The following CNTN3 variants were observed in gnomAD, a reference collection of about 807,000 sequenced individuals.
CNTN3 encodes the protein contactin-3.
In CNTN3, 60 loss-of-function variants were observed where a neutral mutation model predicts 119.1. That is an observed-to-expected ratio of 0.50 (90% CI 0.41 to 0.62). The LOEUF (loss-of-function observed/expected upper bound fraction) is 0.62, where lower values mean the gene tolerates loss of function less well. Among genes scored for constraint, CNTN3 ranks in the 20% least tolerant of loss-of-function variants. CNTN3 has a pLI of 0.00. For synonymous variants in CNTN3, 450 were observed against 438.7 expected, an observed-to-expected ratio of 1.03 and a Z score of -0.32; for missense variants, 1,101 against 1,242.4, an observed-to-expected ratio of 0.89 and a Z score of 1.71.
chr3:74,570,090 C>A (rs2323571), intron 1 of CNTN3, among the ~76,000 whole-genome samples: 1 of 152,022 alleles, frequency 6.6e-6, no homozygotes, highest in Admixed American at 6.6e-5. Flanking sequence ...GTTCGTCCAA[C>A]AAGGGTGGGC....
At chr3:74,448,983 A>G (rs1334075812) in intron 4 of CNTN3, among the ~76,000 whole-genome samples, 1 of 152,088 alleles carries the variant, frequency 6.6e-6, no homozygotes, top group Admixed American at 6.6e-5. Flanking sequence ...TTCAGCGATC[A>G]GGACACTTCC....
At chr3:74,293,553 A>T (rs1465661562) in intron 19 of CNTN3, among the ~76,000 whole-genome samples, 3 of 152,112 alleles carry the variant, frequency 2.0e-5, no homozygotes, top group African/African-American at 7.2e-5. Flanking sequence ...CGGCTCACTG[A>T]AGCCTCGACC....
chr3:74,584,025 T>C (rs1259570350), intron 1 of CNTN3, among the ~76,000 whole-genome samples: 6 of 152,308 alleles, frequency 3.9e-5, no homozygotes, highest in Non-Finnish European at 7.4e-5. Flanking sequence ...GAGGGAACAA[T>C]ACTTATTTCT....
intron 5 of CNTN3, among the ~76,000 whole-genome samples, chr3:74,418,980 A>AG (rs1339440277): frequency 3.3e-5 from 5 of 149,768 alleles, no homozygotes; most frequent in Admixed American, 2.0e-4. Flanking sequence ...GTATTTTAGT[A>AG]GCGGGGCAGT....
intron 19 of CNTN3, among the ~76,000 whole-genome samples, chr3:74,293,281 C>G (rs1486413557): frequency 6.6e-6 from 1 of 152,180 alleles, no homozygotes; most frequent in Non-Finnish European, 1.5e-5. Context: ...GCTCTATTCC[C>G]TATCCTTTCT....
In CNTN3 at chr3:74,285,474, C is replaced by T. The variant is rs772967055; in HGVS notation, c.2535G>A (p.Gly845=). The T allele has an allele frequency of 6.2e-7, 1 of 1,611,508 alleles. No homozygotes were observed. The highest frequency in any genetic ancestry group is 1.1e-5 in the South Asian group (1 of 90,728). The change falls in exon 20 of 23, where the codon GGG becomes GGA. Residue 845 remains glycine, a synonymous_variant. Transcript: ENST00000263665. ...TACTGGATGATTCCTCCTTTCCACC[C>T]CCATTCCAGTACCGCACCTGGTGGG... The part of the protein sequence containing the change: ...LLGYEVRYWN[G]GGKEESSSKM...
intron 2 of CNTN3, among the ~76,000 whole-genome samples, chr3:74,509,525 T>C (rs573519494): frequency 3.4e-4 from 52 of 152,274 alleles, no homozygotes; most frequent in African/African-American, 1.0e-3. Flanking sequence ...CTCAAACTCC[T>C]GACCTCGTGA....
intron 1 of CNTN3, among the ~76,000 whole-genome samples, chr3:74,608,893 C>T (rs898634227): frequency 3.9e-5 from 6 of 152,016 alleles, no homozygotes; most frequent in Non-Finnish European, 8.8e-5. Context: ...TTTAAATGGT[C>T]GATTGTAGAT....
chr3:74,328,267 T>G lies in CNTN3; in HGVS notation c.1668+6468A>C, dbSNP rs113741925. 4.3e-3 allele frequency among the ~76,000 whole-genome samples: 662 copies of G among 152,274 alleles called. 7 individuals carry two copies. The highest frequency in any genetic ancestry group is 0.015 in the African/African-American group (643 of 41,570). On this transcript the variant is annotated intron_variant, in intron 13 of 22. Coordinates refer to ENST00000263665, the MANE Select transcript of CNTN3 (RefSeq NM_020872.3). Reference sequence around the variant, plus strand: ...TCTTACTAGTTCTTTGTTCTTGACCTGATAAGTTTTAATCATACATTATTT... The same window carrying G: ...TCTTACTAGTTCTTTGTTCTTGACCGGATAAGTTTTAATCATACATTATTT...
chr3:74,336,588 A>G lies in CNTN3; in HGVS notation c.1435T>C (p.Cys479Arg). 6.2e-7 allele frequency: 1 copy of G among 1,612,738 alleles called. No individual in the cohort carries two copies. The highest frequency in any genetic ancestry group is 1.7e-5 in the Admixed American group (1 of 59,930). The change falls in exon 12 of 23, where the codon TGC (cysteine) becomes CGC (arginine). Residue 479 changes from cysteine (C) to arginine (R), a missense_variant. Cys to Arg is a radical substitution (Grantham distance 180). Coordinates refer to ENST00000263665, the MANE Select transcript of CNTN3 (RefSeq NM_020872.3). ...VTKADAGTYTCMAENQFGKAN... is the reference protein window; with the variant it reads ...VTKADAGTYTRMAENQFGKAN... ...TTCCCAAACTGGTTTTCTGCCATGC[A>G]GGTGTAAGTTCCAGCATCAGCTTTA...
chr3:74,558,508 G>A (rs1366297861), intron 1 of CNTN3, among the ~76,000 whole-genome samples: 1 of 152,130 alleles, frequency 6.6e-6, no homozygotes, highest in Non-Finnish European at 1.5e-5. Flanking sequence ...TTTAAAGACA[G>A]ACATATATAA....
chr3:74,539,462 C>T (rs1048403010), intron 1 of CNTN3, among the ~76,000 whole-genome samples: 3 of 152,008 alleles, frequency 2.0e-5, no homozygotes, highest in Non-Finnish European at 4.4e-5. Flanking sequence ...AAGTGATTTG[C>T]CCACCATCAC....
At chr3:74,378,695 G>T (rs181482726) in intron 5 of CNTN3, among the ~76,000 whole-genome samples, 347 of 152,324 alleles carry the variant, frequency 2.3e-3, no homozygotes, top group Non-Finnish European at 4.0e-3. Flanking sequence ...TTAAGCAGAT[G>T]TAAAAGAGAC....
chr3:74,387,822 T>TA (rs1704792564), intron 5 of CNTN3, among the ~76,000 whole-genome samples: 1 of 152,210 alleles, frequency 6.6e-6, no homozygotes, highest in African/African-American at 2.4e-5. Flanking sequence ...ATCCAGATAT[T>TA]AATTGAAAAT....
intron 5 of CNTN3, among the ~76,000 whole-genome samples, chr3:74,417,248 G>A (rs1701538577): frequency 6.6e-6 from 1 of 152,018 alleles, no homozygotes. Flanking sequence ...TGTACCTGAG[G>A]ACAGAATTCC....
chr3:74,344,750 G>A (rs796934184), intron 11 of CNTN3, among the ~76,000 whole-genome samples: 51 of 152,126 alleles, frequency 3.4e-4, no homozygotes, highest in African/African-American at 1.1e-3. Flanking sequence ...TTGAGACACC[G>A]CGCCCGGCCA....
chr3:74,431,606 A>G (rs187130603), intron 4 of CNTN3, among the ~76,000 whole-genome samples: 13 of 152,326 alleles, frequency 8.5e-5, no homozygotes, highest in Non-Finnish European at 1.8e-4. Flanking sequence ...AATGTATTTG[A>G]CCAAATAATT....
intron 4 of CNTN3, among the ~76,000 whole-genome samples, chr3:74,457,128 T>C (rs1029890653): frequency 2.6e-5 from 4 of 152,082 alleles, no homozygotes; most frequent in Non-Finnish European, 4.4e-5. Context: ...TGTTTTAATA[T>C]TATTAACACC....
chr3:74,312,260 T>C (rs1005528108), intron 13 of CNTN3, among the ~76,000 whole-genome samples: 14 of 151,800 alleles, frequency 9.2e-5, no homozygotes, highest in African/African-American at 2.7e-4. Flanking sequence ...GAGACCATCC[T>C]GGCAAACATG....
Sources: gnomAD v4.1 joint callset for allele counts (sites outside exome capture counted in the v4.1 genomes callset) on GRCh38, gnomAD v4.1.1 for gene constraint, MANE v1.5 for transcripts, NCBI Gene and HGNC (gene_info 2026-07-23, HGNC 2026-07-21) for gene names.